ALDH6A1: variants seen among roughly 807,000 people sequenced by gnomAD.
ALDH6A1 encodes the protein methylmalonate-semialdehyde/malonate-semialdehyde dehydrogenase [acylating], mitochondrial.
Under a neutral mutation model 62.6 loss-of-function variants are expected in ALDH6A1, and 43 were observed. That is an observed-to-expected ratio of 0.69 (90% confidence interval 0.54 to 0.89). ALDH6A1 has a LOEUF of 0.89. Among genes scored for constraint, ALDH6A1 ranks in the 40% least tolerant of loss-of-function variants. ALDH6A1 has a pLI of 0.00. For synonymous variants in ALDH6A1, 194 were observed against 234.2 expected, an observed-to-expected ratio of 0.83 and a Z score of 1.57; for missense variants, 551 against 661.3, an observed-to-expected ratio of 0.83 and a Z score of 1.83.
Position 74,072,305 on chromosome 14 carries a change from G to C in ALDH6A1, c.246C>G (p.Ala82=). Residue 82 remains alanine (A), a synonymous_variant, in exon 4 of 12, where the codon GCC becomes GCG. Coordinates refer to ENST00000553458, the MANE Select transcript of ALDH6A1 (RefSeq NM_005589.4). ...GAAAAGCACGTTTGCAGGAAGCAAT[G>C]GCTGCATCCATTTCTGCCTTGGTGG... is the stretch of plus-strand genomic sequence containing the variant. ...PQATKAEMDA[A]IASCKRAFPA... 6.2e-7 allele frequency: 1 copy of C among 1,614,238 alleles called. No homozygotes were observed. Among genetic ancestry groups the C allele is most frequent in the Non-Finnish European group, 8.5e-7 (1 of 1,180,048 alleles).
intron 6 of ALDH6A1, chr14:74,070,702 C>A: frequency 5.5e-6 from 1 of 181,358 alleles, no homozygotes; most frequent in Non-Finnish European, 1.2e-5. Flanking sequence ...TAATTAATTT[C>A]ACTATGTCTC....
Position 74,058,280 on chromosome 14 carries a change from T to G in ALDH6A1, c.*2362A>C, listed in dbSNP as rs888472750. The stretch of plus-strand genomic sequence containing the variant: ...AGGTGGAGGTTGCAGTGAGCCGAGA[T>G]CGTGCCACTGCACTCCACCCTGGGC... On this transcript the variant is annotated 3_prime_UTR_variant, in exon 12 of 12. Transcript: ENST00000553458. The G allele has an allele frequency of 6.6e-6, 1 of 152,112 alleles. No homozygotes were observed. The highest frequency in any genetic ancestry group is 1.5e-5 in the Non-Finnish European group (1 of 68,120). The allele number at this position is 152,112 out of a possible 1,614,324, so 9.4% of individuals were successfully genotyped here.
At position 74,084,435 on chromosome 14, in the gene ALDH6A1, G is replaced by A. The variant is rs2060704096; in HGVS notation, c.-41C>T. The A allele has an allele frequency of 6.2e-7, 1 of 1,609,494 alleles. No homozygotes were observed. The highest frequency in any genetic ancestry group is 2.2e-5 in the East Asian group (1 of 44,820). ...TAGCTCCGCACCCCGCGCCTCTACTGCCCAGAAGCACTACAGCTGCCAGGC... is the reference window on the plus strand; with the variant it reads ...TAGCTCCGCACCCCGCGCCTCTACTACCCAGAAGCACTACAGCTGCCAGGC... On this transcript the variant is annotated 5_prime_UTR_variant, in exon 1 of 12. Transcript: ENST00000553458.
Position 74,057,880 on chromosome 14 carries a change from T to C in ALDH6A1, c.*2762A>G. ...AGATGAGTTGTTTCTAATTAGAGCATCACAGTTCTGATTAGTGTGTTTTTT... is the reference window on the plus strand; with the variant it reads ...AGATGAGTTGTTTCTAATTAGAGCACCACAGTTCTGATTAGTGTGTTTTTT... On this transcript the variant is annotated 3_prime_UTR_variant, in exon 12 of 12. Coordinates refer to ENST00000553458, the MANE Select transcript of ALDH6A1 (RefSeq NM_005589.4). 1 of 1,024,624 alleles carries C rather than the reference T, an allele frequency of 9.8e-7. No individual in the cohort carries two copies. The highest frequency in any genetic ancestry group is 1.2e-6 in the Non-Finnish European group (1 of 853,508). 63.5% of individuals were successfully genotyped at this position (1,024,624 alleles called of 1,614,324 possible). A position where few individuals can be genotyped will look rare whatever the true frequency, so the allele number is the denominator to read the frequency against.
intron 11 of ALDH6A1, among the ~76,000 whole-genome samples, chr14:74,061,215 T>A (rs947538109): frequency 6.6e-6 from 1 of 152,122 alleles, no homozygotes; most frequent in African/African-American, 2.4e-5. Context: ...CGGCCTCAAG[T>A]GATCCGCCTT....
rs974580451 is a variant in ALDH6A1 at position 74,057,636 on chromosome 14, A to T, written c.*3006T>A. 1.5e-6 allele frequency: 2 copies of T among 1,330,420 alleles called. No individual in the cohort carries two copies. The highest frequency in any genetic ancestry group is 2.0e-6 in the Non-Finnish European group (2 of 1,020,576). 82.4% of individuals were successfully genotyped at this position (1,330,420 alleles called of 1,614,324 possible). ...CTAGAGGACAAAGGCTTATAAGGAG[A>T]TATGAAATGATTTTTTTAAGCCAAG... On this transcript the variant is annotated 3_prime_UTR_variant, in exon 12 of 12. Transcript: ENST00000553458.
At chr14:74,079,371 T>C (rs544872709) in intron 1 of ALDH6A1, among the ~76,000 whole-genome samples, 9 of 151,538 alleles carry the variant, frequency 5.9e-5, no homozygotes, top group Non-Finnish European at 1.2e-4. Flanking sequence ...CTCAGCCTCC[T>C]GAGTAGCTGG....
At chr14:74,070,061 G>A (rs769593961) in intron 6 of ALDH6A1, among the ~76,000 whole-genome samples, 27 of 151,652 alleles carry the variant, frequency 1.8e-4, no homozygotes, top group Non-Finnish European at 2.2e-4. Context: ...GGCTGGTCTC[G>A]AACTCCTGGG....
chr14:74,079,150 C>G (rs1404778274), intron 1 of ALDH6A1, among the ~76,000 whole-genome samples: 1 of 151,602 alleles, frequency 6.6e-6, no homozygotes, highest in African/African-American at 2.4e-5. Context: ...TTATCTTTAC[C>G]ACATCTCTAT....
chr14:74,061,918 TG>T (rs554857461), intron 11 of ALDH6A1, among the ~76,000 whole-genome samples: 1 of 151,844 alleles, frequency 6.6e-6, no homozygotes, highest in Admixed American at 6.6e-5. Context: ...ATAATTAAAC[TG>T]GGGGGTGCAG....
chr14:74,056,874 T>A lies in ALDH6A1; in HGVS notation c.*3768A>T. 1 of 1,473,674 alleles carries A rather than the reference T, an allele frequency of 6.8e-7. No homozygotes were observed. Among genetic ancestry groups the A allele is most frequent in the East Asian group, 2.3e-5 (1 of 44,214 alleles). The allele number at this position is 1,473,674 out of a possible 1,614,324, so 91.3% of individuals were successfully genotyped here. On this transcript the variant is annotated 3_prime_UTR_variant, in exon 12 of 12. Transcript: ENST00000553458. The stretch of plus-strand genomic sequence containing the variant: ...AAGGCATGAGGAGACACTGCCTCAT[T>A]CATTATCTTTGTTGACTTTTACCCA...
intron 1 of ALDH6A1, chr14:74,078,466 G>GC (rs1566837180): frequency 7.6e-6 from 2 of 263,784 alleles, no homozygotes; most frequent in African/African-American, 2.3e-5. Context: ...CCATCTTCCT[G>GC]CCTCAGCCTC....
chr14:74,071,699 G>A, intron 5 of ALDH6A1, 197 bp downstream of exon 5: 2 of 1,484,788 alleles, frequency 1.3e-6, no homozygotes, highest in South Asian at 2.5e-5. Context: ...TATACCCACT[G>A]GAAGATCATT....
At position 74,067,482 on chromosome 14, in the gene ALDH6A1, C is replaced by G; in HGVS notation, c.940G>C (p.Gly314Arg). 1 of 1,614,222 alleles carries G rather than the reference C, an allele frequency of 6.2e-7. No homozygotes were observed. Among genetic ancestry groups the G allele is most frequent in the Non-Finnish European group, 8.5e-7 (1 of 1,180,044 alleles). Residue 314 changes from glycine to arginine, a missense_variant, in exon 8 of 12, where the codon GGT becomes CGT. Physicochemically the swap from Gly to Arg is moderately radical, Grantham distance 125. Transcript: ENST00000553458. ...QLVGAAFGAA[G>R]QRCMALSTAV... is the part of the protein sequence containing the mutation. ...GTTGAAAGAGCCATGCAGCGCTGAC[C>G]AGCAGCTCCAAATGCTGCCCCAACC... is the stretch of plus-strand genomic sequence containing the variant.
chr14:74,072,694 G>T, intron 2 of ALDH6A1, 83 bp from the exon 3 acceptor site: 5 of 1,462,660 alleles, frequency 3.4e-6, no homozygotes, highest in Non-Finnish European at 4.7e-6. Context: ...CCTTTCCCTT[G>T]CACCAAAAGG....
Position 74,057,555 on chromosome 14 carries a change from G to A in ALDH6A1, c.*3087C>T. On this transcript the variant is annotated 3_prime_UTR_variant, in exon 12 of 12. Transcript: ENST00000553458. Reference sequence around the variant, plus strand: ...TATCTTTTACGTAAGAGTAAACATAGTGACCTTGTGACTCTTAGCTTTCCA... The same window carrying A: ...TATCTTTTACGTAAGAGTAAACATAATGACCTTGTGACTCTTAGCTTTCCA... 2 of 1,326,894 alleles carry A rather than the reference G, an allele frequency of 1.5e-6. No individual in the cohort carries two copies. Among genetic ancestry groups the A allele is most frequent in the African/African-American group, 1.5e-5 (1 of 67,224 alleles). 82.2% of individuals were successfully genotyped at this position (1,326,894 alleles called of 1,614,324 possible). A position where few individuals can be genotyped will look rare whatever the true frequency, so the allele number is the denominator to read the frequency against.
Position 74,064,808 on chromosome 14 carries a change from A to C in ALDH6A1, c.1503+14T>G. On this transcript the variant is annotated intron_variant, in intron 11 of 11. Transcript: ENST00000553458. The stretch of plus-strand genomic sequence containing the variant: ...TCTTAAAGGAAAAGACAAAAAATTT[A>C]ACTCAAAAGTTACCTGTTTGCCATA... The C allele has an allele frequency of 6.2e-7, 1 of 1,613,644 alleles. No individual in the cohort carries two copies. Among genetic ancestry groups the C allele is most frequent in the Non-Finnish European group, 8.5e-7 (1 of 1,179,524 alleles).
At chr14:74,073,813 G>A (rs577545060) in intron 2 of ALDH6A1, among the ~76,000 whole-genome samples, 50 of 151,410 alleles carry the variant, frequency 3.3e-4, no homozygotes, top group Middle Eastern at 3.4e-3. Context: ...AGCTATTCGG[G>A]AGGTTGAGGC....
At position 74,057,736 on chromosome 14, in the gene ALDH6A1, A is replaced by G; in HGVS notation, c.*2906T>C. 1 of 1,165,134 alleles carries G rather than the reference A, an allele frequency of 8.6e-7. No individual in the cohort carries two copies. The allele number at this position is 1,165,134 out of a possible 1,614,324, so 72.2% of individuals were successfully genotyped here. On this transcript the variant is annotated 3_prime_UTR_variant, in exon 12 of 12. Coordinates refer to ENST00000553458, the MANE Select transcript of ALDH6A1 (RefSeq NM_005589.4). ...ACAATGTAGAATCTGAGAAATTTCA[A>G]ATGAAGCCACATTAGAACAAAAAGA...
Sources: gnomAD v4.1 joint callset for allele counts (sites outside exome capture counted in the v4.1 genomes callset) on GRCh38, gnomAD v4.1.1 for gene constraint, MANE v1.5 for transcripts, NCBI Gene and HGNC (gene_info 2026-07-23, HGNC 2026-07-21) for gene names.